Variants in XXYLT1 observed in about 807,000 individuals in gnomAD.
XXYLT1 encodes the protein UDP-xylose:alpha-xyloside alpha-1,3-xylosyltransferase.
A neutral mutation model predicts 28.9 loss-of-function variants in XXYLT1; 20 were observed. The ratio of observed to expected loss-of-function variants is 0.69; its 90% CI spans 0.49 to 1.00. XXYLT1 has a LOEUF of 1.00. Among genes scored for constraint, XXYLT1 ranks in the 50% least tolerant of loss-of-function variants. The pLI is 0.00. For synonymous variants in XXYLT1, 257 were observed against 253.8 expected (o/e 1.01, Z -0.12); for missense variants, 542 against 560.1 (o/e 0.97, Z 0.33).
At chr3:195,154,638 G>A (rs994793862) in intron 3 of XXYLT1, among the ~76,000 whole-genome samples, 1 of 152,158 alleles carries the variant, frequency 6.6e-6, no homozygotes, top group Non-Finnish European at 1.5e-5. Flanking sequence ...GGAAGAACCG[G>A]GGGAGGAGTA....
At chr3:195,232,153 T>C (rs1348151112) in intron 1 of XXYLT1, among the ~76,000 whole-genome samples, 1 of 152,154 alleles carries the variant, frequency 6.6e-6, no homozygotes, top group Non-Finnish European at 1.5e-5. Flanking sequence ...TCTTCTAGGT[T>C]TTCCAATTTA....
intron 3 of XXYLT1, among the ~76,000 whole-genome samples, chr3:195,088,102 T>TG (rs954778699): frequency 3.3e-5 from 5 of 151,660 alleles, no homozygotes; most frequent in Admixed American, 2.6e-4. Context: ...GCAGCGAGGC[T>TG]GGGGGAGGGG....
At chr3:195,184,418 C>A (rs972485155) in intron 2 of XXYLT1, among the ~76,000 whole-genome samples, 8 of 152,206 alleles carry the variant, frequency 5.3e-5, no homozygotes, top group Admixed American at 3.3e-4. Flanking sequence ...AAAGGGCTAA[C>A]TGAACGGCAT....
chr3:195,230,203 A>G (rs371816815), intron 1 of XXYLT1, among the ~76,000 whole-genome samples: 16 of 152,286 alleles, frequency 1.1e-4, no homozygotes, highest in African/African-American at 3.6e-4. Context: ...ATCTATTCAG[A>G]TATTTTGCCC....
At chr3:195,204,468 A>ACTCTCTCCCT (rs1316535464) in intron 2 of XXYLT1, among the ~76,000 whole-genome samples, 1 of 114,754 alleles carries the variant, frequency 8.7e-6, no homozygotes, top group African/African-American at 3.8e-5. Flanking sequence ...ACACACACTC[A>ACTCTCTCCCT]CTCTCTCACT....
At position 195,187,302 on chromosome 3, in the gene XXYLT1, A is replaced by G. The variant is rs75075165; in HGVS notation, c.653-30721T>C. Among the ~76,000 whole-genome samples the G allele has an allele frequency of 2.2e-4, 33 of 151,258 alleles. No homozygotes were observed. The East Asian group carries it at 6.1e-3, about 28-fold the overall frequency. On this transcript the variant is annotated intron_variant, in intron 2 of 3. Coordinates refer to ENST00000310380, the MANE Select transcript of XXYLT1 (RefSeq NM_152531.5). The stretch of plus-strand genomic sequence containing the variant: ...TTTGTCTCGAACTCCTGACCTCGTG[A>G]TCCACCCGCCTTGGCCTCCCAAAGT...
At chr3:195,134,140 T>C (rs1445785543) in intron 3 of XXYLT1, among the ~76,000 whole-genome samples, 1 of 152,106 alleles carries the variant, frequency 6.6e-6, no homozygotes, top group Non-Finnish European at 1.5e-5. Context: ...ATTACAAGAG[T>C]CAAAAAGGTT....
chr3:195,230,760 C>A (rs1224881386), intron 1 of XXYLT1, among the ~76,000 whole-genome samples: 2 of 152,168 alleles, frequency 1.3e-5, no homozygotes, highest in Non-Finnish European at 1.5e-5. Context: ...TATGCCAGAA[C>A]CATGCTGTTT....
intron 1 of XXYLT1, chr3:195,270,164 G>C: frequency 2.2e-6 from 1 of 464,302 alleles, no homozygotes; most frequent in Non-Finnish European, 4.1e-6. Context: ...CAGTTGCTCA[G>C]GATGACTACT....
At position 195,195,266 on chromosome 3, in the gene XXYLT1, T is replaced by C. The variant is rs1191572799; in HGVS notation, c.652+31443A>G. Among the ~76,000 whole-genome samples the C allele has an allele frequency of 6.6e-6, 1 of 152,234 alleles. No individual in the cohort carries two copies. The highest frequency in any genetic ancestry group is 1.9e-4 in the East Asian group (1 of 5,200). ...CATATAAAGCACTTAGAACAATGCC[T>C]GGGTCTCAGTAAGCCTTCTGTATTA... On this transcript the variant is annotated intron_variant, in intron 2 of 3. Coordinates refer to ENST00000310380, the MANE Select transcript of XXYLT1 (RefSeq NM_152531.5). This position sits in a 1 kb window ranked among gnomAD's most constrained non-coding sequence, Gnocchi z 4.4.
chr3:195,133,245 G>A lies in XXYLT1; in HGVS notation c.785+23204C>T, dbSNP rs375581567. Among the ~76,000 whole-genome samples, 22 of 152,276 alleles carry A rather than the reference G, an allele frequency of 1.4e-4. No homozygotes were observed. Among genetic ancestry groups the A allele is most frequent in the East Asian group, 7.7e-4 (4 of 5,188 alleles). On this transcript the variant is annotated intron_variant, in intron 3 of 3. Transcript: ENST00000310380. The surrounding 1 kb of genome is among the most constrained non-coding windows in gnomAD (Gnocchi z 4.4). ...CAGACAGATGGCTGCAAGTCCCAAC[G>A]CTCTGATAAAAAAAGGAAAATTAAT...
Position 195,197,441 on chromosome 3 carries a change from T to TAAA in XXYLT1, c.652+29265_652+29267dup, listed in dbSNP as rs59076636. 7.4e-3 allele frequency among the ~76,000 whole-genome samples: 783 copies of TAAA among 106,178 alleles called. 10 individuals carry two copies. Among genetic ancestry groups the TAAA allele is most frequent in the African/African-American group, 0.025 (740 of 29,942 alleles). The allele number at this position is 106,178 out of a possible 152,430, so 69.7% of individuals were successfully genotyped here. ...AACAGAGTGAGACTCAGTCTCAATT[T>TAAA]AAAAAAAAAAAAAAAAAAAGCTATG... On this transcript the variant is annotated intron_variant, in intron 2 of 3. Coordinates refer to ENST00000310380, the MANE Select transcript of XXYLT1 (RefSeq NM_152531.5).
intron 3 of XXYLT1, among the ~76,000 whole-genome samples, chr3:195,103,412 C>CCACGCCAGCGGCCTGCGTCCATCACCT (rs1716912142): frequency 2.7e-5 from 4 of 149,418 alleles, no homozygotes; most frequent in African/African-American, 5.1e-5. Flanking sequence ...GTCCATCACC[C>CCACGCCAGCGGCCTGCGTCCATCACCT]CACGCCAGCG....
At chr3:195,112,416 A>G (rs116467713) in intron 3 of XXYLT1, among the ~76,000 whole-genome samples, 2,785 of 140,572 alleles carry the variant, frequency 0.02, 66 homozygotes, top group African/African-American at 0.067. Context: ...ACGTGCGCGC[A>G]CACACACACA....
chr3:195,189,209 A>C (rs1395187953), intron 2 of XXYLT1, among the ~76,000 whole-genome samples: 2 of 152,230 alleles, frequency 1.3e-5, no homozygotes, highest in East Asian at 3.8e-4. Context: ...TCCAGGGTTT[A>C]ATTTGATTTT....
At chr3:195,109,012 C>A (rs1390214771) in intron 3 of XXYLT1, among the ~76,000 whole-genome samples, 2 of 152,298 alleles carry the variant, frequency 1.3e-5, no homozygotes, top group East Asian at 3.9e-4. Flanking sequence ...CTCACGAAAA[C>A]CCCAAAGGTA....
rs535529267 is a variant in XXYLT1 at position 195,069,474 on chromosome 3, G to A, written c.*241C>T. ...TTGCTTCCCAGCCCACTGGACATGC[G>A]TGTCCTTTGTGTCGCCTGCTCCCTG... On this transcript the variant is annotated 3_prime_UTR_variant, in exon 4 of 4. Transcript: ENST00000310380. 6.9e-5 allele frequency: 37 copies of A among 532,526 alleles called. No individual in the cohort carries two copies. The South Asian group carries it at 8.5e-4, about 12-fold the overall frequency. 33.0% of individuals were successfully genotyped at this position (532,526 alleles called of 1,614,324 possible).
At chr3:195,147,640 T>C (rs10933698) in intron 3 of XXYLT1, among the ~76,000 whole-genome samples, 35,566 of 152,090 alleles carry the variant, frequency 0.23, 4,758 homozygotes, top group East Asian at 0.57. Context: ...AATGTGAAAG[T>C]AACTTCTCTA....
At chr3:195,169,481 A>T (rs1721288926) in intron 2 of XXYLT1, among the ~76,000 whole-genome samples, 1 of 152,190 alleles carries the variant, frequency 6.6e-6, no homozygotes, top group African/African-American at 2.4e-5. Flanking sequence ...TCGGCTTTGG[A>T]GACCAGCTGC....
Sources: gnomAD v4.1 joint callset for allele counts (sites outside exome capture counted in the v4.1 genomes callset) on GRCh38, gnomAD v4.1.1 for gene constraint, Gnocchi (gnomAD v3.1) non-coding constraint, MANE v1.5 for transcripts, NCBI Gene and HGNC (gene_info 2026-07-23, HGNC 2026-07-21) for gene names.